VEPH1: variants seen among roughly 807,000 people sequenced by gnomAD.
VEPH1 encodes the protein ventricular zone expressed PH domain containing 1, also known as ventricular zone-expressed PH domain-containing protein homolog 1.
VEPH1 carries 80 observed loss-of-function variants against 85.2 expected under a neutral mutation model. That is an observed-to-expected ratio of 0.94 (90% confidence interval 0.78 to 1.13). VEPH1 has a LOEUF of 1.13. VEPH1 is among the 50% of genes most tolerant of loss of function. The probability of loss-of-function intolerance (pLI) is 0.00; values close to 1 mark genes in which losing one functional copy is unlikely to be tolerated. For missense variants in VEPH1, 955 were observed against 980.5 expected (o/e 0.97, Z 0.35); for synonymous variants, 297 against 348.0 (o/e 0.85, Z 1.63).
In VEPH1 at chr3:157,260,044, G is replaced by C. The variant is rs933843647; in HGVS notation, c.*1090C>G. The C allele has an allele frequency of 6.6e-6, 1 of 152,152 alleles. No homozygotes were observed. Among genetic ancestry groups the C allele is most frequent in the South Asian group, 2.1e-4 (1 of 4,830 alleles). 9.4% of individuals were successfully genotyped at this position (152,152 alleles called of 1,614,324 possible). A position where few individuals can be genotyped will look rare whatever the true frequency, so the allele number is the denominator to read the frequency against. On this transcript the variant is annotated 3_prime_UTR_variant, in exon 14 of 14. Transcript: ENST00000362010. ...AGTCTGATTAGGTCAGGCCCACCCA[G>C]GGGATCTCTTTGATTAACTCAAAGT...
At chr3:157,435,067 T>G (rs528177143) in intron 4 of VEPH1, among the ~76,000 whole-genome samples, 4 of 151,762 alleles carry the variant, frequency 2.6e-5, no homozygotes, top group Non-Finnish European at 5.9e-5. Context: ...AATTTTCAAT[T>G]AACTTTTTTT....
intron 3 of VEPH1, among the ~76,000 whole-genome samples, chr3:157,460,921 A>G (rs115420062): frequency 0.012 from 1,892 of 152,270 alleles, 46 homozygotes; most frequent in African/African-American, 0.04. Context: ...ATACAAGGCT[A>G]AGAAGTTTGG....
At chr3:157,369,036 G>A (rs930245939) in intron 7 of VEPH1, among the ~76,000 whole-genome samples, 7 of 151,464 alleles carry the variant, frequency 4.6e-5, no homozygotes, top group Non-Finnish European at 2.9e-5. Context: ...GCACACACAG[G>A]ACCTGGAATT....
At chr3:157,385,380 A>G (rs181250668) in intron 6 of VEPH1, among the ~76,000 whole-genome samples, 15 of 152,268 alleles carry the variant, frequency 9.9e-5, no homozygotes, top group Middle Eastern at 6.8e-3. Flanking sequence ...TAGATCAGCA[A>G]TTCTCAAATC....
intron 12 of VEPH1, among the ~76,000 whole-genome samples, chr3:157,284,093 G>A (rs1007867486): frequency 1.3e-5 from 2 of 152,182 alleles, no homozygotes; most frequent in African/African-American, 2.4e-5. Flanking sequence ...ACCAGGTTCA[G>A]AATGCTTTGG....
At chr3:157,459,818 G>A (rs1735668664) in intron 4 of VEPH1, 2 of 1,496,148 alleles carry the variant, frequency 1.3e-6, no homozygotes, top group Non-Finnish European at 1.8e-6. Context: ...ATGAAGACAG[G>A]TTTTTCATAC....
intron 9 of VEPH1, 141 bp downstream of exon 9, chr3:157,363,223 C>CAAAA: frequency 1.7e-6 from 1 of 582,866 alleles, no homozygotes; most frequent in Non-Finnish European, 2.6e-6. Flanking sequence ...AAAAAACTAA[C>CAAAA]ATAATGTAAG....
chr3:157,348,244 ATTTCC>A (rs1724464563), intron 9 of VEPH1, among the ~76,000 whole-genome samples: 1 of 152,002 alleles, frequency 6.6e-6, no homozygotes, highest in Non-Finnish European at 1.5e-5. Context: ...CAATATAATA[ATTTCC>A]TTTCCTTAGG....
intron 5 of VEPH1, among the ~76,000 whole-genome samples, chr3:157,421,241 A>G (rs1392164562): frequency 6.6e-6 from 1 of 152,126 alleles, no homozygotes; most frequent in Non-Finnish European, 1.5e-5. Context: ...AGCTTTATGT[A>G]GAGAATTTTT....
At chr3:157,324,831 A>G (rs1721724616) in intron 9 of VEPH1, among the ~76,000 whole-genome samples, 1 of 152,156 alleles carries the variant, frequency 6.6e-6, no homozygotes, top group African/African-American at 2.4e-5. Context: ...AGAATTATTT[A>G]TATTCCTTTG....
chr3:157,346,522 G>C (rs1442445293), intron 9 of VEPH1, among the ~76,000 whole-genome samples: 2 of 152,126 alleles, frequency 1.3e-5, no homozygotes, highest in Non-Finnish European at 2.9e-5. Context: ...CATATTCCTA[G>C]ATAATACTTT....
chr3:157,398,697 G>T (rs1198379725), intron 6 of VEPH1, among the ~76,000 whole-genome samples: 4 of 151,906 alleles, frequency 2.6e-5, no homozygotes, highest in African/African-American at 9.7e-5. Context: ...AATCCTAAAG[G>T]GCGGGCTCAA....
intron 2 of VEPH1, among the ~76,000 whole-genome samples, chr3:157,482,239 T>C (rs561617972): frequency 6.6e-6 from 1 of 152,306 alleles, no homozygotes; most frequent in East Asian, 1.9e-4. Flanking sequence ...GTTTGTTCAT[T>C]TTAAGACAGA....
chr3:157,281,423 C>T (rs920267985), intron 12 of VEPH1, among the ~76,000 whole-genome samples: 2 of 152,090 alleles, frequency 1.3e-5, no homozygotes, highest in Non-Finnish European at 2.9e-5. Flanking sequence ...AAAAGCATTC[C>T]GTTGTTTTTG....
intron 6 of VEPH1, among the ~76,000 whole-genome samples, chr3:157,382,725 G>A (rs1728906162): frequency 6.6e-6 from 1 of 152,186 alleles, no homozygotes; most frequent in Non-Finnish European, 1.5e-5. Flanking sequence ...GCTAGCATTT[G>A]AAGCCTTAAT....
intron 3 of VEPH1, among the ~76,000 whole-genome samples, chr3:157,469,246 T>A (rs1389844672): frequency 6.6e-6 from 1 of 152,108 alleles, no homozygotes; most frequent in Non-Finnish European, 1.5e-5. Flanking sequence ...GCATGAAGAG[T>A]CTTTTGTTCA....
At chr3:157,312,233 A>G (rs892039416) in intron 11 of VEPH1, among the ~76,000 whole-genome samples, 1 of 152,242 alleles carries the variant, frequency 6.6e-6, no homozygotes, top group African/African-American at 2.4e-5. Context: ...TAAGCATCCA[A>G]TACTTATTAC....
chr3:157,275,426 A>G (rs1362297915), intron 12 of VEPH1, among the ~76,000 whole-genome samples: 1 of 152,106 alleles, frequency 6.6e-6, no homozygotes, highest in Non-Finnish European at 1.5e-5. Flanking sequence ...AATACAAAAA[A>G]TTAGCCGGGT....
At chr3:157,417,538 T>C (rs944776570) in intron 5 of VEPH1, among the ~76,000 whole-genome samples, 12 of 152,214 alleles carry the variant, frequency 7.9e-5, no homozygotes, top group African/African-American at 2.9e-4. Flanking sequence ...AAATTTCTCA[T>C]GGCCCATGGC....
Sources: gnomAD v4.1 joint callset for allele counts (sites outside exome capture counted in the v4.1 genomes callset) on GRCh38, gnomAD v4.1.1 for gene constraint, MANE v1.5 for transcripts, NCBI Gene and HGNC (gene_info 2026-07-23, HGNC 2026-07-21) for gene names.